Variants in SMOC1 observed in about 807,000 individuals in gnomAD.
SMOC1 encodes SPARC-related modular calcium-binding protein 1.
Under a neutral mutation model 56.3 loss-of-function variants are expected in SMOC1, and 22 were observed. That is an observed-to-expected ratio of 0.39 (90% confidence interval 0.28 to 0.56). SMOC1 has a LOEUF of 0.56. SMOC1 is among the 20% of genes least tolerant of loss of function. The probability of loss-of-function intolerance (pLI) is 0.61; values close to 1 mark genes in which losing one functional copy is unlikely to be tolerated. For synonymous variants in SMOC1, 193 were observed against 215.0 expected (o/e 0.90, Z 0.89); for missense variants, 509 against 565.4 (o/e 0.90, Z 1.01).
intron 6 of SMOC1, 95 bp downstream of exon 6, chr14:69,992,568 T>C: frequency 1.0e-6 from 1 of 986,316 alleles, no homozygotes; most frequent in East Asian, 2.6e-5. Context: ...GTTTTATTAT[T>C]ATTATTTTCT....
intron 5 of SMOC1, among the ~76,000 whole-genome samples, chr14:69,979,573 C>T (rs1198279006): frequency 6.6e-6 from 1 of 151,970 alleles, no homozygotes; most frequent in Non-Finnish European, 1.5e-5. Flanking sequence ...AAGGAAGATG[C>T]CTTCAAGTTT....
intron 1 of SMOC1, among the ~76,000 whole-genome samples, chr14:69,945,334 G>T (rs1250211210): frequency 6.6e-6 from 1 of 152,188 alleles, no homozygotes; most frequent in African/African-American, 2.4e-5. Flanking sequence ...GAAAGTATTT[G>T]CTTTTTAGGA....
In SMOC1 at chr14:69,987,181, G is replaced by A. The variant is rs114719691; in HGVS notation, c.527-5236G>A. Among the ~76,000 whole-genome samples the A allele has an allele frequency of 4.2e-3, 635 of 152,310 alleles. 8 individuals are homozygous for A. The highest frequency in any genetic ancestry group is 0.014 in the African/African-American group (586 of 41,566). ...GTCCCTTCAAAGCAAGAACCTTCGA[G>A]CACTTCTACCAGGCTGAAGTTTATC... is the stretch of plus-strand genomic sequence containing the variant. On this transcript the variant is annotated intron_variant, in intron 5 of 11. Coordinates refer to ENST00000361956, the MANE Select transcript of SMOC1 (RefSeq NM_001034852.3).
intron 3 of SMOC1, among the ~76,000 whole-genome samples, chr14:69,969,102 A>G (rs1883670381): frequency 6.6e-6 from 1 of 152,184 alleles, no homozygotes; most frequent in Non-Finnish European, 1.5e-5. Context: ...AGACTGCAAA[A>G]AAGTAGGATG....
At chr14:70,003,184 G>C (rs1026401346) in intron 7 of SMOC1, among the ~76,000 whole-genome samples, 4 of 152,176 alleles carry the variant, frequency 2.6e-5, no homozygotes, top group Non-Finnish European at 5.9e-5. Context: ...ATTCATTTTT[G>C]ATAAGAGACT....
intron 1 of SMOC1, among the ~76,000 whole-genome samples, chr14:69,902,766 G>T (rs528651991): frequency 6.6e-6 from 1 of 151,894 alleles, no homozygotes; most frequent in African/African-American, 2.4e-5. Context: ...GCAGGCGCGC[G>T]CCGCCACGCC....
At chr14:69,918,863 A>G (rs1264591525) in intron 1 of SMOC1, among the ~76,000 whole-genome samples, 1 of 152,192 alleles carries the variant, frequency 6.6e-6, no homozygotes, top group Non-Finnish European at 1.5e-5. Context: ...TAGTGTCCTG[A>G]AGTGCTTCAG....
chr14:70,030,414 T>C lies in SMOC1; in HGVS notation c.*156T>C. On this transcript the variant is annotated 3_prime_UTR_variant, in exon 12 of 12. Transcript: ENST00000361956. Reference sequence around the variant, plus strand: ...TTTTAATAACTCTTACTTGCGTGTTTTGTTTTTGGTTTCATTTTAAAACAC... The same window carrying C: ...TTTTAATAACTCTTACTTGCGTGTTCTGTTTTTGGTTTCATTTTAAAACAC... The C allele has an allele frequency of 1.1e-6, 1 of 901,778 alleles. No homozygotes were observed. Among genetic ancestry groups the C allele is most frequent in the Non-Finnish European group, 1.7e-6 (1 of 586,096 alleles). The allele number at this position is 901,778 out of a possible 1,614,324, so 55.9% of individuals were successfully genotyped here.
At chr14:69,934,877 T>A (rs1258377173) in intron 1 of SMOC1, among the ~76,000 whole-genome samples, 2 of 152,132 alleles carry the variant, frequency 1.3e-5, no homozygotes, top group Non-Finnish European at 2.9e-5. Context: ...CTTTTCTGAG[T>A]CTCAGTTTTT....
chr14:69,911,450 A>G (rs1321756001), intron 1 of SMOC1, among the ~76,000 whole-genome samples: 3 of 152,254 alleles, frequency 2.0e-5, no homozygotes, highest in African/African-American at 4.8e-5. Context: ...AACCACCACA[A>G]TCAAGACACA....
At chr14:69,941,417 G>A (rs1882556771) in intron 1 of SMOC1, among the ~76,000 whole-genome samples, 1 of 152,136 alleles carries the variant, frequency 6.6e-6, no homozygotes, top group Non-Finnish European at 1.5e-5. Flanking sequence ...GGCTGCTGAT[G>A]GGTTTGCTAA....
chr14:70,011,000 T>C, intron 8 of SMOC1, 54 bp downstream of exon 8: 1 of 1,596,478 alleles, frequency 6.3e-7, no homozygotes, highest in Admixed American at 1.7e-5. Context: ...CTGTTATCCA[T>C]GCTGGCATCT....
At chr14:69,947,662 C>T (rs754992119) in intron 1 of SMOC1, among the ~76,000 whole-genome samples, 2 of 152,138 alleles carry the variant, frequency 1.3e-5, no homozygotes, top group Non-Finnish European at 2.9e-5. Flanking sequence ...CTCTCTTCTC[C>T]TCTTGGTTTT....
chr14:69,974,187 G>A (rs1292385197), intron 3 of SMOC1, among the ~76,000 whole-genome samples: 4 of 152,164 alleles, frequency 2.6e-5, no homozygotes, highest in African/African-American at 7.2e-5. Flanking sequence ...GATCTTGAGA[G>A]GGGGGAGTGG....
At chr14:69,965,561 G>T (rs1230204245) in intron 3 of SMOC1, among the ~76,000 whole-genome samples, 2 of 152,050 alleles carry the variant, frequency 1.3e-5, no homozygotes, top group African/African-American at 4.8e-5. Flanking sequence ...AAGAACTTTT[G>T]ACAAGTAGAG....
At chr14:69,958,969 T>G (rs1883279060) in intron 3 of SMOC1, among the ~76,000 whole-genome samples, 1 of 152,210 alleles carries the variant, frequency 6.6e-6, no homozygotes, top group Non-Finnish European at 1.5e-5. Flanking sequence ...ATAGAAAAGC[T>G]ATACACATTC....
At chr14:69,935,104 A>G (rs1027663484) in intron 1 of SMOC1, among the ~76,000 whole-genome samples, 2 of 152,194 alleles carry the variant, frequency 1.3e-5, no homozygotes, top group Admixed American at 6.5e-5. Flanking sequence ...TGGGTGCTTT[A>G]TAGTCTAGGT....
intron 5 of SMOC1, among the ~76,000 whole-genome samples, chr14:69,980,800 G>A (rs922525246): frequency 3.3e-5 from 5 of 152,208 alleles, no homozygotes; most frequent in Admixed American, 3.3e-4. Context: ...CTGCACCCTT[G>A]TGCAGGGTGA....
At chr14:69,957,501 C>A (rs927413) in intron 3 of SMOC1, among the ~76,000 whole-genome samples, 7 of 151,940 alleles carry the variant, frequency 4.6e-5, no homozygotes, top group Non-Finnish European at 8.8e-5. Flanking sequence ...GCCTAATATC[C>A]AAGGCTGTGC....
Sources: gnomAD v4.1 joint callset for allele counts (sites outside exome capture counted in the v4.1 genomes callset) on GRCh38, gnomAD v4.1.1 for gene constraint, MANE v1.5 for transcripts, NCBI Gene and HGNC (gene_info 2026-07-23, HGNC 2026-07-21) for gene names.